Variants in HECW1 observed in about 807,000 individuals in gnomAD.
HECW1 encodes the protein E3 ubiquitin-protein ligase HECW1.
A neutral mutation model predicts 182.3 loss-of-function variants in HECW1; 61 were observed. The observed-to-expected ratio is 0.33, with a 90% CI of 0.27 to 0.41. The LOEUF (loss-of-function observed/expected upper bound fraction) is 0.41. HECW1 is among the 10% of genes least tolerant of loss of function. The pLI is 1.00. For missense variants in HECW1, 1,739 were observed against 2,108.9 expected, an observed-to-expected ratio of 0.82 and a Z score of 3.44; for synonymous variants, 859 against 832.6, an observed-to-expected ratio of 1.03 and a Z score of -0.55.
chr7:43,360,512 T>C (rs1584620316), intron 5 of HECW1, among the ~76,000 whole-genome samples: 1 of 152,204 alleles, frequency 6.6e-6, no homozygotes, highest in Non-Finnish European at 1.5e-5. Flanking sequence ...ATTACCAAGA[T>C]ATTAATCACA....
intron 17 of HECW1, among the ~76,000 whole-genome samples, chr7:43,488,434 G>GAGAAGAAAGAA (rs1554440500): frequency 1.1e-4 from 10 of 93,082 alleles, no homozygotes; most frequent in African/African-American, 4.4e-4. Flanking sequence ...AAGAAAGAAA[G>GAGAAGAAAGAA]AGAAAGAAAG....
At chr7:43,556,115 G>A (rs367564490) in intron 29 of HECW1, among the ~76,000 whole-genome samples, 1 of 152,170 alleles carries the variant, frequency 6.6e-6, no homozygotes, top group Non-Finnish European at 1.5e-5. Context: ...AGGAGCACAG[G>A]GGGTAAGAGC....
intron 4 of HECW1, among the ~76,000 whole-genome samples, chr7:43,313,469 C>G (rs1220333544): frequency 1.3e-5 from 2 of 151,884 alleles, no homozygotes; most frequent in Non-Finnish European, 2.9e-5. Context: ...TCCCAAGTAG[C>G]TGGGATTACA....
At chr7:43,186,668 CAAA>C (rs112678392) in intron 2 of HECW1, among the ~76,000 whole-genome samples, 8 of 93,550 alleles carry the variant, frequency 8.6e-5, no homozygotes, top group African/African-American at 2.3e-4. Flanking sequence ...GACTCCGTCT[CAAA>C]AAAAAAAAAA....
intron 24 of HECW1, among the ~76,000 whole-genome samples, chr7:43,519,252 CT>C (rs879834750): frequency 3.2e-3 from 464 of 143,494 alleles, no homozygotes; most frequent in Middle Eastern, 3.6e-3. Flanking sequence ...AGAGTGCAGA[CT>C]TTTTTTTTTT....
intron 2 of HECW1, among the ~76,000 whole-genome samples, chr7:43,198,819 C>G (rs1467851727): frequency 1.3e-5 from 2 of 152,162 alleles, no homozygotes; most frequent in Non-Finnish European, 2.9e-5. Context: ...CGCACACCCG[C>G]AGTCCTCCTG....
intron 24 of HECW1, among the ~76,000 whole-genome samples, chr7:43,516,449 G>A (rs1436559310): frequency 6.6e-6 from 1 of 152,138 alleles, no homozygotes; most frequent in Non-Finnish European, 1.5e-5. Flanking sequence ...AAATAAATAA[G>A]TAAATTTGGA....
chr7:43,213,183 A>C (rs1796147445), intron 2 of HECW1, among the ~76,000 whole-genome samples: 1 of 152,102 alleles, frequency 6.6e-6, no homozygotes, highest in Admixed American at 6.5e-5. Flanking sequence ...TGACTCTGGG[A>C]CTGGGTAACA....
At chr7:43,406,211 A>G (rs915832259) in intron 7 of HECW1, among the ~76,000 whole-genome samples, 11 of 152,194 alleles carry the variant, frequency 7.2e-5, no homozygotes. Context: ...GCAGAGATCT[A>G]CCAGTCTCCT....
intron 8 of HECW1, among the ~76,000 whole-genome samples, chr7:43,415,754 C>T (rs2075970897): frequency 7.0e-6 from 1 of 143,222 alleles, no homozygotes; most frequent in Non-Finnish European, 1.5e-5. Context: ...CTCTAAACTT[C>T]CCTTCTCACT....
In HECW1 at chr7:43,283,370, C is replaced by T. The variant is rs146115765; in HGVS notation, c.28-28393C>T. 7.8e-4 allele frequency among the ~76,000 whole-genome samples: 119 copies of T among 152,276 alleles called. 2 individuals are homozygous for T. The East Asian group carries it at 0.019, about 24-fold the overall frequency. On this transcript the variant is annotated intron_variant, in intron 3 of 29. Transcript: ENST00000395891. Reference sequence around the variant, plus strand: ...GTCAGAAGTATGTGTGAGAATCCAGCTGTCTTCTGTTAAACCAGCTCTTAA... The same window carrying T: ...GTCAGAAGTATGTGTGAGAATCCAGTTGTCTTCTGTTAAACCAGCTCTTAA...
At chr7:43,430,146 A>AT (rs35773028) in intron 8 of HECW1, among the ~76,000 whole-genome samples, 1 of 152,296 alleles carries the variant, frequency 6.6e-6, no homozygotes, top group South Asian at 2.1e-4. Context: ...GACTGGAGTC[A>AT]TTTTTTCTCA....
Position 43,243,960 on chromosome 7 carries a change from AC to A in HECW1, c.27+30del. ...CAGTGTGCTTTTCTGATTATAAGAA[AC>A]CATCCATGTCATTCCATTATAAACC... On this transcript the variant is annotated intron_variant, in intron 3 of 29. Coordinates refer to ENST00000395891, the MANE Select transcript of HECW1 (RefSeq NM_015052.5). The surrounding 1 kb of genome is among the most constrained non-coding windows in gnomAD (Gnocchi z 4.0). 1 of 1,561,322 alleles carries A rather than the reference AC, an allele frequency of 6.4e-7. No homozygotes were observed. The highest frequency in any genetic ancestry group is 8.8e-7 in the Non-Finnish European group (1 of 1,132,040).
At chr7:43,490,540 T>C (rs2078889216) in intron 17 of HECW1, among the ~76,000 whole-genome samples, 1 of 152,228 alleles carries the variant, frequency 6.6e-6, no homozygotes, top group Admixed American at 6.5e-5. Flanking sequence ...GTGAATGTAC[T>C]GCAATGTGGA....
chr7:43,456,323 G>C lies in HECW1; in HGVS notation c.2527G>C (p.Gly843Arg). 6.2e-7 allele frequency: 1 copy of C among 1,613,180 alleles called. No homozygotes were observed. Among genetic ancestry groups the C allele is most frequent in the Non-Finnish European group, 8.5e-7 (1 of 1,179,460 alleles). ...PNWEARIDSH[G>R]RVFYVDHVNR... is the part of the protein sequence containing the mutation. ...CTGGGAAGCTCGAATTGACAGCCAC[G>C]GGCGGGTCTTTTATGTGGACCACGT... The change falls in exon 13 of 30, where the codon GGG (glycine) becomes CGG (arginine). Residue 843 changes from glycine (G) to arginine (R), a missense_variant. Physicochemically the swap from Gly to Arg is moderately radical, Grantham distance 125. Around this residue, in one of 5 missense-constraint regions of HECW1, gnomAD observed 971 missense variants for 1,029.1 expected, o/e 0.94. Coordinates refer to ENST00000395891, the MANE Select transcript of HECW1 (RefSeq NM_015052.5).
chr7:43,232,021 CAAAAAAAAAAAA>C (rs34791514), intron 2 of HECW1, among the ~76,000 whole-genome samples: 1 of 71,368 alleles, frequency 1.4e-5, no homozygotes, highest in Admixed American at 1.7e-4. Context: ...GACTCCATCT[CAAAAAAAAAAAA>C]AAAAAAAAAG....
At chr7:43,154,218 A>G (rs368666210) in intron 2 of HECW1, among the ~76,000 whole-genome samples, 1 of 152,176 alleles carries the variant, frequency 6.6e-6, no homozygotes, top group East Asian at 1.9e-4. Context: ...ATAATTTCTA[A>G]CATTTCTGCA....
chr7:43,458,022 G>A (rs3940512), intron 13 of HECW1, among the ~76,000 whole-genome samples: 24,623 of 152,108 alleles, frequency 0.16, 2,540 homozygotes, highest in Non-Finnish European at 0.22. Flanking sequence ...CCAACAAAGC[G>A]TGTTACAGAG....
At chr7:43,374,223 T>C (rs1171557078) in intron 6 of HECW1, among the ~76,000 whole-genome samples, 1 of 152,234 alleles carries the variant, frequency 6.6e-6, no homozygotes, top group Non-Finnish European at 1.5e-5. Flanking sequence ...AGAGGTTGGC[T>C]CCTTTTGAAA....
Sources: allele counts gnomAD v4.1 joint callset (sites outside exome capture counted in the v4.1 genomes callset), GRCh38; gene constraint gnomAD v4.1.1; regional missense constraint gnomAD v4.1.1; non-coding constraint Gnocchi (gnomAD v3.1); transcripts MANE v1.5; gene names NCBI Gene and HGNC (gene_info 2026-07-23, HGNC 2026-07-21).